FBXL20: variants seen among roughly 807,000 people sequenced by gnomAD.
The protein encoded by FBXL20 is F-box/LRR-repeat protein 20.
In FBXL20, 11 loss-of-function variants were observed where a neutral mutation model predicts 64.0. The ratio of observed to expected loss-of-function variants is 0.17; its 90% CI spans 0.11 to 0.28. The LOEUF is 0.28. FBXL20 is among the 10% of genes least tolerant of loss of function. The pLI is 1.00. For missense variants in FBXL20, 303 were observed against 526.2 expected (o/e 0.58, Z 4.15); for synonymous variants, 184 against 189.0 (o/e 0.97, Z 0.22).
intron 2 of FBXL20, among the ~76,000 whole-genome samples, chr17:39,319,282 A>G (rs538644918): frequency 6.6e-6 from 1 of 152,218 alleles, no homozygotes; most frequent in African/African-American, 2.4e-5. Flanking sequence ...TCTGCCTCTC[A>G]GAGAATTATT....
At chr17:39,279,613 T>G (rs953027489) in intron 9 of FBXL20, among the ~76,000 whole-genome samples, 1 of 151,988 alleles carries the variant, frequency 6.6e-6, no homozygotes, top group African/African-American at 2.4e-5. Flanking sequence ...AGGTGTACTG[T>G]TGGCCAGGCA....
intron 1 of FBXL20, among the ~76,000 whole-genome samples, chr17:39,386,973 C>T (rs2048087268): frequency 6.6e-6 from 1 of 152,140 alleles, no homozygotes; most frequent in African/African-American, 2.4e-5. Context: ...AAGAATAAAA[C>T]TGTATGCTTG....
At chr17:39,298,080 A>T (rs1342619758) in intron 5 of FBXL20, among the ~76,000 whole-genome samples, 1 of 151,788 alleles carries the variant, frequency 6.6e-6, no homozygotes, top group Non-Finnish European at 1.5e-5. Context: ...TAACTTTAAA[A>T]ATTATTTTAA....
chr17:39,280,650 C>T (rs2046941628), intron 9 of FBXL20, among the ~76,000 whole-genome samples: 1 of 149,266 alleles, frequency 6.7e-6, no homozygotes, highest in Admixed American at 6.7e-5. Context: ...AGCAAATTAT[C>T]TGAGTAGAAT....
At chr17:39,273,275 CA>C (rs920951626) in intron 10 of FBXL20, among the ~76,000 whole-genome samples, 1 of 152,096 alleles carries the variant, frequency 6.6e-6, no homozygotes, top group East Asian at 1.9e-4. Flanking sequence ...CTCAGCCTCC[CA>C]AAGTGTTGGG....
At chr17:39,277,616 T>C (rs1224593134) in intron 9 of FBXL20, among the ~76,000 whole-genome samples, 2 of 151,802 alleles carry the variant, frequency 1.3e-5, no homozygotes, top group African/African-American at 4.8e-5. Context: ...TAGCCAGACA[T>C]GGTGTCACGT....
At chr17:39,281,863 G>A (rs2046952864) in intron 8 of FBXL20, among the ~76,000 whole-genome samples, 1 of 152,114 alleles carries the variant, frequency 6.6e-6, no homozygotes, top group Non-Finnish European at 1.5e-5. Context: ...ATACAGCCAA[G>A]AAAGGAATCC....
At chr17:39,402,482 G>C (rs1377487425), upstream of FBXL20, 30 of 344,114 alleles carry the variant, frequency 8.7e-5, no homozygotes, top group Admixed American at 1.4e-3. Flanking sequence ...GAGGCCGGGG[G>C]TCGGGGGTGC....
At chr17:39,352,303 A>C (rs2047694852) in intron 1 of FBXL20, among the ~76,000 whole-genome samples, 1 of 152,028 alleles carries the variant, frequency 6.6e-6, no homozygotes, top group Admixed American at 6.6e-5. Context: ...GCTGAAGGGG[A>C]GTATCGCTTG....
At chr17:39,289,703 A>T (rs1423499223) in intron 6 of FBXL20, among the ~76,000 whole-genome samples, 1 of 150,746 alleles carries the variant, frequency 6.6e-6, no homozygotes, top group South Asian at 2.1e-4. Flanking sequence ...TTCTAAATCT[A>T]TATGTATGAG....
At chr17:39,384,054 G>C (rs1250117317) in intron 1 of FBXL20, among the ~76,000 whole-genome samples, 1 of 151,740 alleles carries the variant, frequency 6.6e-6, no homozygotes, top group Non-Finnish European at 1.5e-5. Flanking sequence ...AGCAACATAG[G>C]GAGACTCCAT....
intron 1 of FBXL20, among the ~76,000 whole-genome samples, chr17:39,400,511 T>C (rs1348411647): frequency 6.6e-6 from 1 of 152,234 alleles, no homozygotes; most frequent in East Asian, 1.9e-4. Flanking sequence ...TAGAAGTTTC[T>C]TTCTCTTGAC....
intron 12 of FBXL20, 48 bp from the exon 13 acceptor site, chr17:39,265,501 C>G (rs1285267001): frequency 5.7e-6 from 8 of 1,403,492 alleles, no homozygotes; most frequent in Non-Finnish European, 8.1e-6. Context: ...CAAATAAAAT[C>G]CTGAGTCATA....
intron 2 of FBXL20, among the ~76,000 whole-genome samples, chr17:39,334,471 A>C (rs1033854415): frequency 2.7e-5 from 4 of 150,090 alleles, no homozygotes; most frequent in African/African-American, 1.0e-4. Context: ...ATCAATAAAT[A>C]CTAAAAAAAT....
At position 39,401,424 on chromosome 17, in the gene FBXL20, G is replaced by T. The variant is rs111640680; in HGVS notation, c.-22C>A. ...TCATGGGGCCGGCGGGTGCGGCCCG[G>T]GCCGGGCGCTGCGGCGAGCGGAGTG... On this transcript the variant is annotated 5_prime_UTR_variant, in exon 1 of 15. Transcript: ENST00000264658. 6.3e-7 allele frequency: 1 copy of T among 1,586,140 alleles called. No individual in the cohort carries two copies. Among genetic ancestry groups the T allele is most frequent in the East Asian group, 2.3e-5 (1 of 42,574 alleles).
intron 5 of FBXL20, chr17:39,297,553 G>C (rs2047097352): frequency 6.2e-6 from 1 of 161,732 alleles, no homozygotes; most frequent in African/African-American, 2.4e-5. Context: ...TAAATGATAG[G>C]GATCAGAGAG....
At chr17:39,337,938 CAGCT>C (rs930148481) in intron 2 of FBXL20, among the ~76,000 whole-genome samples, 3 of 151,182 alleles carry the variant, frequency 2.0e-5, no homozygotes, top group Non-Finnish European at 4.4e-5. Context: ...CCCGCCCGGC[CAGCT>C]GCCCCGTCCG....
At chr17:39,331,432 A>G (rs1041499157) in intron 2 of FBXL20, among the ~76,000 whole-genome samples, 1 of 152,096 alleles carries the variant, frequency 6.6e-6, no homozygotes, top group African/African-American at 2.4e-5. Context: ...GATACAGGCT[A>G]CTACTCTTTA....
At chr17:39,358,974 A>G (rs1487694703) in intron 1 of FBXL20, among the ~76,000 whole-genome samples, 1 of 152,230 alleles carries the variant, frequency 6.6e-6, no homozygotes, top group African/African-American at 2.4e-5. Flanking sequence ...ATCACTAATC[A>G]TTAGAAAAAT....
Sources: gnomAD v4.1 joint callset for allele counts (sites outside exome capture counted in the v4.1 genomes callset) on GRCh38, gnomAD v4.1.1 for gene constraint, MANE v1.5 for transcripts, NCBI Gene and HGNC (gene_info 2026-07-23, HGNC 2026-07-21) for gene names.